RBL1: variants seen among roughly 807,000 people sequenced by gnomAD.
RBL1 encodes the protein RB transcriptional corepressor like 1.
In RBL1, 82 loss-of-function variants were observed where a neutral mutation model predicts 123.0. The ratio of observed to expected loss-of-function variants is 0.67; its 90% CI spans 0.56 to 0.80. RBL1 has a LOEUF of 0.80. Ranked by LOEUF, RBL1 falls within the 30% of genes least tolerant of loss-of-function variation. The probability of loss-of-function intolerance (pLI) is 0.00; values close to 1 mark genes in which losing one functional copy is unlikely to be tolerated. For missense variants in RBL1, 1,171 were observed against 1,299.6 expected, an observed-to-expected ratio of 0.90 and a Z score of 1.52; for synonymous variants, 405 against 441.3, an observed-to-expected ratio of 0.92 and a Z score of 1.03.
chr20:37,086,262 A>C (rs2065543698), intron 2 of RBL1, among the ~76,000 whole-genome samples: 1 of 152,112 alleles, frequency 6.6e-6, no homozygotes. Context: ...TTATCATCTT[A>C]TTTTATTTTT....
intron 16 of RBL1, among the ~76,000 whole-genome samples, chr20:37,027,591 A>G (rs1237576788): frequency 6.6e-6 from 1 of 152,210 alleles, no homozygotes; most frequent in Admixed American, 6.5e-5. Flanking sequence ...CTATCTTATC[A>G]GAAGCTGATG....
intron 16 of RBL1, among the ~76,000 whole-genome samples, chr20:37,026,628 C>T (rs1450764174): frequency 3.3e-5 from 5 of 150,570 alleles, no homozygotes; most frequent in East Asian, 3.9e-4. Flanking sequence ...TGCTTGAACC[C>T]GGGCGGCAGA....
chr20:37,023,782 T>G (rs1600482910), intron 16 of RBL1, among the ~76,000 whole-genome samples: 3 of 148,442 alleles, frequency 2.0e-5, no homozygotes, highest in East Asian at 2.0e-4. Context: ...AAACTATTTT[T>G]TTTTTTTTTT....
intron 17 of RBL1, among the ~76,000 whole-genome samples, 158 bp from the exon 18 acceptor site, chr20:37,020,888 T>C (rs907370143): frequency 1.3e-5 from 2 of 152,172 alleles, no homozygotes; most frequent in African/African-American, 4.8e-5. Flanking sequence ...TATGATTTTT[T>C]CTACCTTTAA....
chr20:37,047,065 A>T lies in RBL1; in HGVS notation c.1593T>A (p.Phe531Leu). ...WIIEVLNLQP[F>L]YFYKVIEVVI... ...GTTTTCATCTCACCTTATAAAAGTAAAATGGTTGCAAGTTGAGAACTTCAA... is the reference window on the plus strand; with the variant it reads ...GTTTTCATCTCACCTTATAAAAGTATAATGGTTGCAAGTTGAGAACTTCAA... Residue 531 changes from phenylalanine to leucine, a missense_variant, in exon 12 of 22, where the codon TTT becomes TTA. Transcript: ENST00000373664. The T allele has an allele frequency of 6.3e-7, 1 of 1,584,872 alleles. No individual in the cohort carries two copies. Among genetic ancestry groups the T allele is most frequent in the East Asian group, 2.3e-5 (1 of 44,352 alleles).
intron 9 of RBL1, among the ~76,000 whole-genome samples, chr20:37,056,673 T>C (rs1829013909): frequency 6.6e-6 from 1 of 152,082 alleles, no homozygotes; most frequent in South Asian, 2.1e-4. Context: ...CTTTCAAGAA[T>C]TAGTTTTTAG....
chr20:37,040,166 C>G lies in RBL1; in HGVS notation c.1890G>C (p.Gly630=). The G allele has an allele frequency of 6.2e-7, 1 of 1,613,812 alleles. No homozygotes were observed. The highest frequency in any genetic ancestry group is 1.1e-5 in the South Asian group (1 of 91,014). The change falls in exon 14 of 22, where the codon GGG becomes GGC. Residue 630 remains glycine (G), a synonymous_variant. Transcript: ENST00000373664. The part of the protein sequence containing the change: ...PRVKEVRTDS[G]SLRRDMQPLS... Reference sequence around the variant, plus strand: ...TGTTGAACCTACCTCTTCGAAGACTCCCACTGTCAGTTCGAACTTCCTTGA... The same window carrying G: ...TGTTGAACCTACCTCTTCGAAGACTGCCACTGTCAGTTCGAACTTCCTTGA...
chr20:37,078,228 T>C (rs181280260), intron 2 of RBL1, among the ~76,000 whole-genome samples: 85 of 152,312 alleles, frequency 5.6e-4, no homozygotes, highest in Non-Finnish European at 1.0e-3. Context: ...ATGTGCCATG[T>C]TTTCCATTTC....
At chr20:37,066,022 T>A (rs964122146) in intron 6 of RBL1, among the ~76,000 whole-genome samples, 1 of 152,170 alleles carries the variant, frequency 6.6e-6, no homozygotes, top group Non-Finnish European at 1.5e-5. Context: ...AAAATTTGTA[T>A]AAAAGAAGAA....
At chr20:37,042,713 G>A (rs1251132427) in intron 13 of RBL1, among the ~76,000 whole-genome samples, 2 of 151,610 alleles carry the variant, frequency 1.3e-5, no homozygotes, top group Middle Eastern at 3.4e-3. Flanking sequence ...GACTAGCCTG[G>A]GCAACATAGG....
intron 2 of RBL1, among the ~76,000 whole-genome samples, chr20:37,085,584 A>C (rs2146331418): frequency 6.6e-6 from 1 of 151,132 alleles, no homozygotes; most frequent in East Asian, 1.9e-4. Flanking sequence ...CATTAAGTAC[A>C]TTCACACTGT....
intron 21 of RBL1, among the ~76,000 whole-genome samples, chr20:37,003,254 C>A (rs2064016223): frequency 6.6e-6 from 1 of 152,186 alleles, no homozygotes; most frequent in South Asian, 2.1e-4. Flanking sequence ...CATACCACAT[C>A]TTCACCACTG....
At position 36,996,995 on chromosome 20, in the gene RBL1, C is replaced by T. The variant is rs2063896134; in HGVS notation, c.*1764G>A. The T allele has an allele frequency of 6.6e-6, 1 of 152,092 alleles. No individual in the cohort carries two copies. 9.4% of individuals were successfully genotyped at this position (152,092 alleles called of 1,614,324 possible). On this transcript the variant is annotated 3_prime_UTR_variant, in exon 22 of 22. Transcript: ENST00000373664. ...CTTGAGAATACTAATTAGTGACGGC[C>T]AAATCTTAGACTATTTTAAATTAGC...
At chr20:37,000,483 C>G (rs537423653) in intron 21 of RBL1, among the ~76,000 whole-genome samples, 1 of 144,632 alleles carries the variant, frequency 6.9e-6, no homozygotes, top group African/African-American at 2.6e-5. Context: ...TCAGCCCCCC[C>G]GCCCGGCCAG....
At chr20:37,010,309 T>C (rs375442732) in intron 19 of RBL1, among the ~76,000 whole-genome samples, 9 of 152,172 alleles carry the variant, frequency 5.9e-5, no homozygotes, top group African/African-American at 1.7e-4. Context: ...AAAGCCATAC[T>C]CATTAATACA....
At chr20:37,033,938 T>C (rs894004400) in intron 15 of RBL1, among the ~76,000 whole-genome samples, 3 of 145,314 alleles carry the variant, frequency 2.1e-5, no homozygotes, top group Non-Finnish European at 4.5e-5. Flanking sequence ...CCCTTTTTTT[T>C]TTCTTTTTCT....
chr20:37,031,884 A>C (rs2064517899), intron 16 of RBL1, among the ~76,000 whole-genome samples: 1 of 149,754 alleles, frequency 6.7e-6, no homozygotes, highest in Admixed American at 6.7e-5. Flanking sequence ...GACTATAGGC[A>C]TCTGCCACCA....
intron 3 of RBL1, among the ~76,000 whole-genome samples, chr20:37,067,766 CAAA>C (rs1168742059): frequency 9.6e-5 from 6 of 62,682 alleles, no homozygotes; most frequent in Admixed American, 2.4e-4. Flanking sequence ...TGAGACTCCT[CAAA>C]AAAAAAAAAA....
chr20:37,087,522 G>GGCTGCAGTGAGCTAAAAAGGTGCC, intron 2 of RBL1, among the ~76,000 whole-genome samples: 1 of 152,282 alleles, frequency 6.6e-6, no homozygotes, highest in Non-Finnish European at 1.5e-5. Flanking sequence ...AGGAGTTTGA[G>GGCTGCAGTGAGCTAAAAAGGTGCC]GCTGCAGTGA....
Sources: allele counts gnomAD v4.1 joint callset (sites outside exome capture counted in the v4.1 genomes callset), GRCh38; gene constraint gnomAD v4.1.1; transcripts MANE v1.5; gene names NCBI Gene and HGNC (gene_info 2026-07-23, HGNC 2026-07-21).